The following DOCK10 variants were observed in gnomAD, a reference collection of about 807,000 sequenced individuals.
DOCK10 encodes dedicator of cytokinesis protein 10.
DOCK10 carries 145 observed loss-of-function variants against 280.1 expected under a neutral mutation model. The ratio of observed to expected loss-of-function variants is 0.52; its 90% CI spans 0.45 to 0.59. The LOEUF (loss-of-function observed/expected upper bound fraction) is 0.59, where lower values mean the gene tolerates loss of function less well. DOCK10 is among the 20% of genes least tolerant of loss of function. DOCK10 has a pLI of 0.00. For synonymous variants in DOCK10, 915 were observed against 942.2 expected, an observed-to-expected ratio of 0.97 and a Z score of 0.53; for missense variants, 2,368 against 2,651.7, an observed-to-expected ratio of 0.89 and a Z score of 2.35.
intron 50 of DOCK10, among the ~76,000 whole-genome samples, chr2:224,782,278 C>T (rs924752033): frequency 6.6e-6 from 1 of 152,164 alleles, no homozygotes; most frequent in African/African-American, 2.4e-5. Flanking sequence ...GATGCAAGTA[C>T]ACCCATATAG....
chr2:224,835,507 T>C lies in DOCK10; in HGVS notation c.2851-1244A>G, dbSNP rs75295841. 8.6e-4 allele frequency among the ~76,000 whole-genome samples: 131 copies of C among 152,352 alleles called. 3 individuals carry two copies. In the East Asian group the frequency reaches 0.02, roughly 23 times the overall value. On this transcript the variant is annotated intron_variant, in intron 25 of 55. Coordinates refer to ENST00000258390, the MANE Select transcript of DOCK10 (RefSeq NM_014689.3). The stretch of plus-strand genomic sequence containing the variant: ...TAGCACCACTGAACTTGAAATGGTG[T>C]TTAGATAACTTCTAAATAAATACAA...
At chr2:225,005,195 C>G (rs1706534411) in intron 1 of DOCK10, among the ~76,000 whole-genome samples, 2 of 152,154 alleles carry the variant, frequency 1.3e-5, no homozygotes, top group Non-Finnish European at 2.9e-5. Flanking sequence ...CTACAAATCT[C>G]TAGGAGTCAA....
At chr2:224,842,867 G>A (rs1453554338) in intron 22 of DOCK10, among the ~76,000 whole-genome samples, 1 of 152,140 alleles carries the variant, frequency 6.6e-6, no homozygotes, top group Non-Finnish European at 1.5e-5. Context: ...CATTTGATGA[G>A]CACTTCAAAC....
intron 1 of DOCK10, among the ~76,000 whole-genome samples, chr2:225,009,183 T>G (rs921799595): frequency 2.0e-5 from 3 of 152,146 alleles, no homozygotes; most frequent in South Asian, 4.2e-4. Flanking sequence ...GGGTCACAGA[T>G]TAGGTTTAAG....
intron 13 of DOCK10, 75 bp from the exon 14 acceptor site, chr2:224,862,821 C>T: frequency 1.1e-6 from 1 of 900,308 alleles, no homozygotes; most frequent in Non-Finnish European, 1.6e-6. Flanking sequence ...ATACTAAATA[C>T]TTTTTCATAT....
At chr2:224,841,742 A>T in intron 23 of DOCK10, 62 bp downstream of exon 23, 1 of 1,161,736 alleles carries the variant, frequency 8.6e-7, no homozygotes. Flanking sequence ...TGGAAAATGT[A>T]AAAGTCTCTT....
rs1693322607 is a variant in DOCK10 at position 224,805,310 on chromosome 2, G to A, written c.3947C>T (p.Pro1316Leu). 6.2e-7 allele frequency: 1 copy of A among 1,612,774 alleles called. No homozygotes were observed. The highest frequency in any genetic ancestry group is 1.3e-5 in the African/African-American group (1 of 74,812). The change falls in exon 36 of 56, where the codon CCC becomes CTC. Residue 1316 changes from proline (P) to leucine (L), a missense_variant. Pro to Leu is a moderately conservative substitution (Grantham distance 98). Transcript: ENST00000258390. This position sits in a 1 kb window ranked among gnomAD's most constrained non-coding sequence, Gnocchi z 4.3. ...AAGAGTTGAGCCAATCAAAGACAAG[G>A]GTCTTGGGATCTGGGAATTCAAGAA... ...KTDNCEKIPR[P>L]LSLIGSTLRF...
At chr2:224,773,498 C>T (rs963551971) in intron 52 of DOCK10, among the ~76,000 whole-genome samples, 151 bp from the exon 53 acceptor site, 2 of 152,178 alleles carry the variant, frequency 1.3e-5, no homozygotes, top group Non-Finnish European at 2.9e-5. Context: ...ACTTTTTCTG[C>T]TAGGTGCCAT....
chr2:224,916,269 G>A (rs757620511), intron 3 of DOCK10, among the ~76,000 whole-genome samples: 1 of 152,048 alleles, frequency 6.6e-6, no homozygotes, highest in Admixed American at 6.5e-5. Flanking sequence ...GGCCGGACGC[G>A]GTGGCTCATG....
rs561954381 is a variant in DOCK10, at chr2:224,892,254, C to T, written c.416+4041G>A. 2.2e-4 allele frequency among the ~76,000 whole-genome samples: 34 copies of T among 151,606 alleles called. No individual in the cohort carries two copies. The South Asian group carries it at 2.3e-3, about 10-fold the overall frequency. The stretch of plus-strand genomic sequence containing the variant: ...TCCACTAAAAACACAAAAAAATTAG[C>T]CAGGCATGGTGGCCTACACCTGTAA... On this transcript the variant is annotated intron_variant, in intron 4 of 55. Transcript: ENST00000258390.
chr2:224,865,834 T>TTC (rs749148296), intron 11 of DOCK10, among the ~76,000 whole-genome samples: 333 of 143,702 alleles, frequency 2.3e-3, no homozygotes, highest in African/African-American at 5.9e-3. Flanking sequence ...AACCTCCTGT[T>TTC]TCTCTCTCTC....
chr2:224,956,296 C>T (rs1327402249), intron 1 of DOCK10, among the ~76,000 whole-genome samples: 1 of 152,174 alleles, frequency 6.6e-6, no homozygotes, highest in African/African-American at 2.4e-5. Flanking sequence ...CTCAGTAGCT[C>T]TCATTTGGGG....
intron 1 of DOCK10, among the ~76,000 whole-genome samples, chr2:224,991,043 G>A (rs1208736524): frequency 6.6e-6 from 1 of 152,208 alleles, no homozygotes; most frequent in Non-Finnish European, 1.5e-5. Flanking sequence ...TTGACCAGAA[G>A]CAATATCATT....
At position 224,786,931 on chromosome 2, in the gene DOCK10, A is replaced by T; in HGVS notation, c.5655+91T>A. On this transcript the variant is annotated intron_variant, in intron 50 of 55. Transcript: ENST00000258390. The surrounding 1 kb of genome is among the most constrained non-coding windows in gnomAD (Gnocchi z 4.7). ...CAGACACACCCACACCTCTCCATTC[A>T]CTGGTACACACAGATGTCTCATAAA... 1.1e-6 allele frequency: 1 copy of T among 930,246 alleles called. No homozygotes were observed. Among genetic ancestry groups the T allele is most frequent in the Non-Finnish European group, 1.8e-6 (1 of 563,124 alleles). The allele number at this position is 930,246 out of a possible 1,614,324, so 57.6% of individuals were successfully genotyped here.
At chr2:224,959,945 CA>C (rs1413445436) in intron 1 of DOCK10, among the ~76,000 whole-genome samples, 2 of 152,134 alleles carry the variant, frequency 1.3e-5, no homozygotes, top group Admixed American at 1.3e-4. Context: ...ATGGGTGTGA[CA>C]TATACAGTCC....
chr2:224,798,093 G>A, intron 41 of DOCK10, 124 bp from the exon 42 acceptor site: 6 of 900,202 alleles, frequency 6.7e-6, no homozygotes, highest in Non-Finnish European at 1.0e-5. Flanking sequence ...ATAAAGGATT[G>A]AACAAGGAGA....
intron 22 of DOCK10, among the ~76,000 whole-genome samples, chr2:224,843,831 T>C (rs1696149732): frequency 6.6e-6 from 1 of 152,240 alleles, no homozygotes; most frequent in East Asian, 1.9e-4. Flanking sequence ...ATTATACGTG[T>C]ATAGACTTTC....
intron 50 of DOCK10, among the ~76,000 whole-genome samples, chr2:224,782,977 C>A (rs1051327412): frequency 1.3e-5 from 2 of 152,124 alleles, no homozygotes; most frequent in South Asian, 2.1e-4. Flanking sequence ...TGTACACGTT[C>A]GGGGGAATGC....
chr2:224,864,695 C>G lies in DOCK10; in HGVS notation c.1480-20G>C, dbSNP rs377614231. Reference sequence around the variant, plus strand: ...TACAGCCTGTGTACAAAGAAAGCAGCTAATAAGCATGGAAGAAACCACATT... The same window carrying G: ...TACAGCCTGTGTACAAAGAAAGCAGGTAATAAGCATGGAAGAAACCACATT... On this transcript the variant is annotated intron_variant, in intron 12 of 55. Coordinates refer to ENST00000258390, the MANE Select transcript of DOCK10 (RefSeq NM_014689.3). 195 of 1,599,102 alleles carry G rather than the reference C, an allele frequency of 1.2e-4. No individual in the cohort carries two copies. The highest frequency in any genetic ancestry group is 1.7e-4 in the Middle Eastern group (1 of 5,982).
Sources: allele counts gnomAD v4.1 joint callset (sites outside exome capture counted in the v4.1 genomes callset), GRCh38; gene constraint gnomAD v4.1.1; non-coding constraint Gnocchi (gnomAD v3.1); transcripts MANE v1.5; gene names NCBI Gene and HGNC (gene_info 2026-07-23, HGNC 2026-07-21).